The following TRABD2B variants were observed in gnomAD, a reference collection of about 807,000 sequenced individuals.
The protein encoded by TRABD2B is TraB domain containing 2B, also known as metalloprotease TIKI2.
In TRABD2B, 14 loss-of-function variants were observed where a neutral mutation model predicts 40.1. The observed-to-expected ratio is 0.35, with a 90% CI of 0.23 to 0.55. The LOEUF (loss-of-function observed/expected upper bound fraction) is 0.55. Among genes scored for constraint, TRABD2B ranks in the 20% least tolerant of loss-of-function variants. The pLI is 0.90. For missense variants in TRABD2B, 541 were observed against 648.6 expected, an observed-to-expected ratio of 0.83 and a Z score of 1.80; for synonymous variants, 263 against 277.0, an observed-to-expected ratio of 0.95 and a Z score of 0.50.
intron 2 of TRABD2B, among the ~76,000 whole-genome samples, chr1:47,847,489 AC>A (rs1429089570): frequency 6.6e-6 from 1 of 152,186 alleles, no homozygotes; most frequent in Non-Finnish European, 1.5e-5. Flanking sequence ...TGTTATGTCA[AC>A]TGACATTGAA....
intron 1 of TRABD2B, among the ~76,000 whole-genome samples, chr1:47,995,790 G>T (rs1483266939): frequency 6.6e-6 from 1 of 152,190 alleles, no homozygotes. Context: ...ATCCCAGCAT[G>T]TTGGCGATAG....
At chr1:47,806,956 C>T (rs1644900661) in intron 2 of TRABD2B, among the ~76,000 whole-genome samples, 1 of 152,196 alleles carries the variant, frequency 6.6e-6, no homozygotes. Flanking sequence ...AAGGGAATCA[C>T]TGCAAAGGCC....
chr1:47,830,014 A>C, intron 2 of TRABD2B, among the ~76,000 whole-genome samples: 2 of 148,986 alleles, frequency 1.3e-5, no homozygotes, highest in Admixed American at 6.7e-5. Context: ...CTCTTCCATG[A>C]CCCCCTCTGC....
intron 2 of TRABD2B, among the ~76,000 whole-genome samples, chr1:47,815,568 C>G (rs1645019830): frequency 6.6e-6 from 1 of 152,174 alleles, no homozygotes; most frequent in Admixed American, 6.5e-5. Flanking sequence ...TTGTCCACAG[C>G]CCAAGCATCC....
At chr1:47,777,512 G>T (rs569176896) in intron 5 of TRABD2B, among the ~76,000 whole-genome samples, 1 of 152,178 alleles carries the variant, frequency 6.6e-6, no homozygotes, top group African/African-American at 2.4e-5. Context: ...CACTTACACC[G>T]CTGTGTGTCC....
chr1:47,967,707 C>T (rs1181099686), intron 2 of TRABD2B, among the ~76,000 whole-genome samples: 1 of 152,120 alleles, frequency 6.6e-6, no homozygotes, highest in African/African-American at 2.4e-5. Context: ...TAATAGCAGC[C>T]TAGAGTCATC....
At chr1:47,905,682 A>C (rs188255321) in intron 2 of TRABD2B, among the ~76,000 whole-genome samples, 1 of 151,988 alleles carries the variant, frequency 6.6e-6, no homozygotes, top group Non-Finnish European at 1.5e-5. Context: ...CTGTATGTCT[A>C]TCTCTCTGCC....
At chr1:47,796,879 C>A (rs184844320) in intron 3 of TRABD2B, among the ~76,000 whole-genome samples, 1 of 152,268 alleles carries the variant, frequency 6.6e-6, no homozygotes, top group East Asian at 1.9e-4. Context: ...GGCTTCTGAA[C>A]GGGGAGAAGC....
intron 2 of TRABD2B, among the ~76,000 whole-genome samples, chr1:47,908,859 C>T (rs1644712676): frequency 6.6e-6 from 1 of 152,240 alleles, no homozygotes; most frequent in Non-Finnish European, 1.5e-5. Flanking sequence ...CTTCTGACTG[C>T]TCCTTAGGAC....
chr1:47,978,527 C>T (rs12080061), intron 2 of TRABD2B, among the ~76,000 whole-genome samples: 36,072 of 152,036 alleles, frequency 0.24, 4,453 homozygotes, highest in East Asian at 0.27. Flanking sequence ...GGTATCCCGA[C>T]CCGAATGACT....
chr1:47,776,590 T>G (rs2124067787), intron 5 of TRABD2B, among the ~76,000 whole-genome samples: 1 of 152,284 alleles, frequency 6.6e-6, no homozygotes, highest in Admixed American at 6.5e-5. Context: ...CACCCTCTGT[T>G]TTTCTCCCTT....
chr1:47,974,589 T>C (rs1557689587), intron 2 of TRABD2B, among the ~76,000 whole-genome samples: 1 of 152,202 alleles, frequency 6.6e-6, no homozygotes, highest in Non-Finnish European at 1.5e-5. Context: ...GCAGGAAAAA[T>C]AAATCTTTTA....
At position 47,899,588 on chromosome 1, in the gene TRABD2B, A is replaced by C. The variant is rs560411135; in HGVS notation, c.666+94446T>G. On this transcript the variant is annotated intron_variant, in intron 2 of 6. Coordinates refer to ENST00000606738, the MANE Select transcript of TRABD2B (RefSeq NM_001194986.2). Reference sequence around the variant, plus strand: ...GGAGCAGTGAGAGATGCAATCATTCAAAGTTGGGGAAACCATGGAAGGCTT... The same window carrying C: ...GGAGCAGTGAGAGATGCAATCATTCCAAGTTGGGGAAACCATGGAAGGCTT... 3.6e-4 allele frequency among the ~76,000 whole-genome samples: 55 copies of C among 152,328 alleles called. No individual in the cohort carries two copies. The South Asian group carries it at 0.011, about 31-fold the overall frequency.
Position 47,764,560 on chromosome 1 carries a change from G to A in TRABD2B, c.*1342C>T, listed in dbSNP as rs1190613899. ...CACCTCTCAGCCTTTGATTTGGCAG[G>A]AAAGCTTCTCGTGGGCTCCAAGATC... On this transcript the variant is annotated 3_prime_UTR_variant, in exon 7 of 7. Coordinates refer to ENST00000606738, the MANE Select transcript of TRABD2B (RefSeq NM_001194986.2). The A allele has an allele frequency of 6.6e-6, 1 of 152,188 alleles. No homozygotes were observed. The highest frequency in any genetic ancestry group is 1.5e-5 in the Non-Finnish European group (1 of 68,054). The allele number at this position is 152,188 out of a possible 1,614,324, so 9.4% of individuals were successfully genotyped here.
At chr1:47,943,366 G>A (rs532766698) in intron 2 of TRABD2B, among the ~76,000 whole-genome samples, 1 of 152,296 alleles carries the variant, frequency 6.6e-6, no homozygotes, top group South Asian at 2.1e-4. Flanking sequence ...ATTATTACAA[G>A]TCAATATTGT....
At chr1:47,915,149 A>G (rs528440346) in intron 2 of TRABD2B, among the ~76,000 whole-genome samples, 2 of 152,348 alleles carry the variant, frequency 1.3e-5, no homozygotes, top group East Asian at 1.9e-4. Context: ...ACATCTTGTT[A>G]CTGCAAGGAA....
At chr1:47,964,060 T>C (rs1446567120) in intron 2 of TRABD2B, among the ~76,000 whole-genome samples, 1 of 152,146 alleles carries the variant, frequency 6.6e-6, no homozygotes, top group African/African-American at 2.4e-5. Context: ...GTTGTTTTTT[T>C]CCCCCTACAT....
chr1:47,882,356 C>G (rs1644317516), intron 2 of TRABD2B, among the ~76,000 whole-genome samples: 1 of 152,224 alleles, frequency 6.6e-6, no homozygotes. Flanking sequence ...CCCCCTGAGT[C>G]TGATTCCTCA....
chr1:47,789,055 C>A (rs1036180244), intron 4 of TRABD2B, among the ~76,000 whole-genome samples: 2 of 152,146 alleles, frequency 1.3e-5, no homozygotes, highest in Non-Finnish European at 2.9e-5. Flanking sequence ...CCTGGAGATA[C>A]CTTGACTCAA....
Sources: gnomAD v4.1 joint callset for allele counts (sites outside exome capture counted in the v4.1 genomes callset) on GRCh38, gnomAD v4.1.1 for gene constraint, MANE v1.5 for transcripts, NCBI Gene and HGNC (gene_info 2026-07-23, HGNC 2026-07-21) for gene names.